The following XRCC6 variants were observed in gnomAD, a reference collection of about 807,000 sequenced individuals.
The protein encoded by XRCC6 is DNA repair protein Ku70.
Under a neutral mutation model 65.7 loss-of-function variants are expected in XRCC6, and 5 were observed. The observed-to-expected ratio is 0.08, with a 90% CI of 0.04 to 0.16. The LOEUF (loss-of-function observed/expected upper bound fraction) is 0.16, where lower values mean the gene tolerates loss of function less well. XRCC6 is among the 10% of genes least tolerant of loss of function. The probability of loss-of-function intolerance (pLI) is 1.00; values close to 1 mark genes in which losing one functional copy is unlikely to be tolerated. For missense variants in XRCC6, 447 were observed against 738.1 expected, an observed-to-expected ratio of 0.61 and a Z score of 4.57; for synonymous variants, 270 against 270.6, an observed-to-expected ratio of 1.00 and a Z score of 0.02.
chr22:41,624,716 G>A (rs1174607905), intron 2 of XRCC6, among the ~76,000 whole-genome samples: 4 of 149,152 alleles, frequency 2.7e-5, no homozygotes, highest in African/African-American at 9.9e-5. Flanking sequence ...TAAAAAATAA[G>A]GCCGGGCGCG....
At chr22:41,658,117 C>G in intron 10 of XRCC6, 135 bp from the exon 11 acceptor site, 1 of 790,376 alleles carries the variant, frequency 1.3e-6, no homozygotes, top group Non-Finnish European at 2.0e-6. Flanking sequence ...GGCTACTGCA[C>G]CTGACCTCAA....
At chr22:41,641,986 A>G (rs960897217) in intron 6 of XRCC6, among the ~76,000 whole-genome samples, 1 of 152,062 alleles carries the variant, frequency 6.6e-6, no homozygotes, top group African/African-American at 2.4e-5. Flanking sequence ...ACACAGTTTC[A>G]CCATGTTGAC....
In XRCC6 at chr22:41,636,751, C is replaced by T. The variant is rs1380978277; in HGVS notation, c.570C>T (p.Ala190=). 9.9e-6 allele frequency: 16 copies of T among 1,614,004 alleles called. No homozygotes were observed. Among genetic ancestry groups the T allele is most frequent in the Admixed American group, 1.7e-5 (1 of 59,966 alleles). ...AAGCCAGCCGGGCCAGGACCAAAGC[C>T]GGTGATCTCCGAGATACAGGTGGGC... ...SAKASRARTK[A]GDLRDTGIFL... is the part of the protein sequence containing the mutation. Residue 190 remains alanine (A), a synonymous_variant, in exon 5 of 13, where the codon GCC becomes GCT. Coordinates refer to ENST00000360079, the MANE Select transcript of XRCC6 (RefSeq NM_001469.5).
intron 8 of XRCC6, among the ~76,000 whole-genome samples, chr22:41,651,674 C>A (rs908964934): frequency 1.3e-5 from 2 of 151,540 alleles, no homozygotes; most frequent in Non-Finnish European, 2.9e-5. Flanking sequence ...ATTACAGGCA[C>A]CTGCTACCAC....
intron 2 of XRCC6, among the ~76,000 whole-genome samples, chr22:41,623,068 C>G (rs2067628676): frequency 6.6e-6 from 1 of 152,016 alleles, no homozygotes; most frequent in South Asian, 2.1e-4. Context: ...AAGTATCTTT[C>G]AATATTTATT....
chr22:41,637,283 C>T (rs1438884615), intron 5 of XRCC6, among the ~76,000 whole-genome samples: 2 of 152,142 alleles, frequency 1.3e-5, no homozygotes, highest in Non-Finnish European at 2.9e-5. Flanking sequence ...GGGGGTTTCA[C>T]CACGTTGACC....
rs1032096120 is a variant in XRCC6 at position 41,646,749 on chromosome 22, G to T, written c.774-147G>T. 1.4e-5 allele frequency: 9 copies of T among 662,174 alleles called. No homozygotes were observed. In the African/African-American group the frequency reaches 1.6e-4, roughly 12 times the overall value. The allele number at this position is 662,174 out of a possible 1,614,324, so 41.0% of individuals were successfully genotyped here. ...CTGAGGTGGTATAGCAAATTCGATT[G>T]TATTATTAAAAAGCATATTTATATT... On this transcript the variant is annotated intron_variant, in intron 6 of 12. Coordinates refer to ENST00000360079, the MANE Select transcript of XRCC6 (RefSeq NM_001469.5).
intron 3 of XRCC6, among the ~76,000 whole-genome samples, chr22:41,633,537 C>T (rs1339328086): frequency 6.6e-6 from 1 of 152,042 alleles, no homozygotes; most frequent in Non-Finnish European, 1.5e-5. Flanking sequence ...CCACCACACC[C>T]GGCTAATTTT....
At chr22:41,634,325 G>T (rs115046814) in intron 3 of XRCC6, among the ~76,000 whole-genome samples, 221 of 151,788 alleles carry the variant, frequency 1.5e-3, no homozygotes, top group African/African-American at 5.2e-3. Flanking sequence ...TAGCTGAGTA[G>T]TGGGGACTAC....
chr22:41,661,580 A>G (rs1398793161), intron 12 of XRCC6, 136 bp downstream of exon 12: 1 of 723,108 alleles, frequency 1.4e-6, no homozygotes, highest in African/African-American at 1.8e-5. Context: ...AAAACAGACA[A>G]TAACAAATGC....
chr22:41,621,547 C>T (rs2067604388), intron 1 of XRCC6: 2 of 168,122 alleles, frequency 1.2e-5, no homozygotes, highest in Non-Finnish European at 2.6e-5. Flanking sequence ...TGAGGCCCGC[C>T]TGCGTTTGAG....
At chr22:41,626,053 T>C (rs2067666547) in intron 2 of XRCC6, among the ~76,000 whole-genome samples, 1 of 151,956 alleles carries the variant, frequency 6.6e-6, no homozygotes, top group African/African-American at 2.4e-5. Flanking sequence ...TTGTCCAGGA[T>C]GGTCTCAATC....
intron 8 of XRCC6, among the ~76,000 whole-genome samples, chr22:41,653,098 T>C (rs2047703649): frequency 6.6e-6 from 1 of 152,078 alleles, no homozygotes; most frequent in Non-Finnish European, 1.5e-5. Flanking sequence ...CCCTTACCTG[T>C]TGAGATATTA....
intron 3 of XRCC6, among the ~76,000 whole-genome samples, chr22:41,631,039 C>T (rs2067738556): frequency 6.6e-6 from 1 of 151,854 alleles, no homozygotes; most frequent in South Asian, 2.1e-4. Context: ...GTAGGGGCGG[C>T]CGGGCAGAGG....
At chr22:41,623,020 C>T (rs760753780) in intron 2 of XRCC6, among the ~76,000 whole-genome samples, 1 of 151,992 alleles carries the variant, frequency 6.6e-6, no homozygotes, top group Non-Finnish European at 1.5e-5. Flanking sequence ...TCTAACACAA[C>T]CACTACCAGC....
chr22:41,628,467 A>C, intron 3 of XRCC6: 1 of 351,738 alleles, frequency 2.8e-6, no homozygotes, highest in Non-Finnish European at 5.2e-6. Context: ...CCGAGGCGAG[A>C]GGCTTGCTTG....
Position 41,663,982 on chromosome 22 carries a change from C to G in XRCC6, c.*167C>G, listed in dbSNP as rs1265431274. On this transcript the variant is annotated 3_prime_UTR_variant, in exon 13 of 13. Coordinates refer to ENST00000360079, the MANE Select transcript of XRCC6 (RefSeq NM_001469.5). ...CTGTTGCCATGGTGATGGTGTAGCCCTCCCACTTTGCTGTTCCTTACTTTA... is the reference window on the plus strand; with the variant it reads ...CTGTTGCCATGGTGATGGTGTAGCCGTCCCACTTTGCTGTTCCTTACTTTA... 19 of 732,494 alleles carry G rather than the reference C, an allele frequency of 2.6e-5. No individual in the cohort carries two copies. The highest frequency in any genetic ancestry group is 4.0e-5 in the Non-Finnish European group (18 of 451,062). 45.4% of individuals were successfully genotyped at this position (732,494 alleles called of 1,614,324 possible).
At chr22:41,644,517 G>A (rs2067911082) in intron 6 of XRCC6, among the ~76,000 whole-genome samples, 1 of 152,038 alleles carries the variant, frequency 6.6e-6, no homozygotes, top group Non-Finnish European at 1.5e-5. Flanking sequence ...TGGAGTCTTG[G>A]TCTGTCGTCC....
intron 3 of XRCC6, among the ~76,000 whole-genome samples, chr22:41,632,722 C>T (rs1327640792): frequency 6.6e-6 from 1 of 151,380 alleles, no homozygotes; most frequent in Non-Finnish European, 1.5e-5. Flanking sequence ...ACTCAGGAGG[C>T]CGGGGTGAGA....
Sources: gnomAD v4.1 joint callset for allele counts (sites outside exome capture counted in the v4.1 genomes callset) on GRCh38, gnomAD v4.1.1 for gene constraint, MANE v1.5 for transcripts, NCBI Gene and HGNC (gene_info 2026-07-23, HGNC 2026-07-21) for gene names.